PPM1E: variants seen among roughly 807,000 people sequenced by gnomAD.
The protein encoded by PPM1E is protein phosphatase, Mg2+/Mn2+ dependent 1E.
PPM1E carries 20 observed loss-of-function variants against 65.9 expected under a neutral mutation model. That is an observed-to-expected ratio of 0.30 (90% CI 0.21 to 0.44). The LOEUF (loss-of-function observed/expected upper bound fraction) is 0.44. Ranked by LOEUF, PPM1E falls within the 20% of genes least tolerant of loss-of-function variation. The probability of loss-of-function intolerance (pLI) is 1.00; values close to 1 mark genes in which losing one functional copy is unlikely to be tolerated. For missense variants in PPM1E, 713 were observed against 953.1 expected (o/e 0.75, Z 3.32); for synonymous variants, 352 against 374.9 (o/e 0.94, Z 0.70).
At chr17:58,761,746 C>T (rs913272851) in intron 1 of PPM1E, among the ~76,000 whole-genome samples, 6 of 152,188 alleles carry the variant, frequency 3.9e-5, no homozygotes, top group South Asian at 2.1e-4. Context: ...GTCCCTTCTA[C>T]GTTCCTTTCC....
At chr17:58,932,698 A>T (rs986857477) in intron 1 of PPM1E, among the ~76,000 whole-genome samples, 1 of 152,212 alleles carries the variant, frequency 6.6e-6, no homozygotes, top group Non-Finnish European at 1.5e-5. Context: ...CATATGAAAA[A>T]TATTATTATT....
chr17:58,835,686 T>C (rs2050648878), intron 1 of PPM1E, among the ~76,000 whole-genome samples: 1 of 151,674 alleles, frequency 6.6e-6, no homozygotes, highest in Admixed American at 6.6e-5. Context: ...GGCAATATAG[T>C]GAGACCTCTA....
At chr17:58,916,575 A>G (rs1444069586) in intron 1 of PPM1E, among the ~76,000 whole-genome samples, 3 of 152,126 alleles carry the variant, frequency 2.0e-5, no homozygotes, top group Non-Finnish European at 4.4e-5. Context: ...GCAGTGAGCC[A>G]TGATCACATC....
intron 1 of PPM1E, among the ~76,000 whole-genome samples, chr17:58,757,969 AATTTTTTACAGT>A (rs2049784995): frequency 6.6e-6 from 1 of 152,134 alleles, no homozygotes; most frequent in Admixed American, 6.6e-5. Flanking sequence ...TCTGAGATGT[AATTTTTTACAGT>A]ATTTAAAGAT....
chr17:58,862,723 C>A (rs2050955334), intron 1 of PPM1E, among the ~76,000 whole-genome samples: 1 of 152,098 alleles, frequency 6.6e-6, no homozygotes, highest in African/African-American at 2.4e-5. Context: ...GGAAGGCCTC[C>A]AATAATACTG....
At chr17:58,962,290 A>G (rs542581122) in intron 2 of PPM1E, among the ~76,000 whole-genome samples, 1 of 152,226 alleles carries the variant, frequency 6.6e-6, no homozygotes, top group East Asian at 1.9e-4. Flanking sequence ...ATCTCAAAAA[A>G]AAAAAAAAAG....
chr17:58,802,609 A>G (rs1211083166), intron 1 of PPM1E, among the ~76,000 whole-genome samples: 1 of 152,168 alleles, frequency 6.6e-6, no homozygotes, highest in East Asian at 1.9e-4. Flanking sequence ...GATTGCATTG[A>G]ATCTGTAGAT....
chr17:58,816,765 TATATATATATATA>T (rs2050422237), intron 1 of PPM1E, among the ~76,000 whole-genome samples: 1 of 13,522 alleles, frequency 7.4e-5, no homozygotes, highest in African/African-American at 2.9e-4. Flanking sequence ...TATATATATA[TATATATATATATA>T]TATATATATA....
chr17:58,911,687 T>G (rs2051628878), intron 1 of PPM1E, among the ~76,000 whole-genome samples: 3 of 152,226 alleles, frequency 2.0e-5, no homozygotes, highest in Non-Finnish European at 4.4e-5. Flanking sequence ...CATTCATTCA[T>G]TCAACAAATA....
rs980464438 is a variant in PPM1E, at chr17:58,755,888, G to A, written c.-110G>A. Reference sequence around the variant, plus strand: ...CAACCTAGTGCTGATCGCTCGTGCCGGTGCGGCCGTTAACCGCCCTTGCCG... The same window carrying A: ...CAACCTAGTGCTGATCGCTCGTGCCAGTGCGGCCGTTAACCGCCCTTGCCG... On this transcript the variant is annotated 5_prime_UTR_variant, in exon 1 of 7. Coordinates refer to ENST00000308249, the MANE Select transcript of PPM1E (RefSeq NM_014906.5). The A allele has an allele frequency of 2.1e-4, 325 of 1,522,272 alleles. No homozygotes were observed. The highest frequency in any genetic ancestry group is 2.7e-4 in the Non-Finnish European group (305 of 1,136,808). 94.3% of individuals were successfully genotyped at this position (1,522,272 alleles called of 1,614,324 possible).
intron 6 of PPM1E, among the ~76,000 whole-genome samples, chr17:58,977,755 T>C (rs553634806): frequency 1.3e-5 from 2 of 152,294 alleles, no homozygotes; most frequent in Non-Finnish European, 2.9e-5. Context: ...AAAGAAACTT[T>C]TTTTTGAGAC....
intron 1 of PPM1E, among the ~76,000 whole-genome samples, chr17:58,772,184 C>T (rs529680179): frequency 4.2e-4 from 63 of 151,188 alleles, no homozygotes; most frequent in African/African-American, 1.5e-3. Context: ...GCAGGCTGGG[C>T]GCGGTGGCTC....
chr17:58,864,335 A>G (rs1008331748), intron 1 of PPM1E, among the ~76,000 whole-genome samples: 3 of 152,292 alleles, frequency 2.0e-5, no homozygotes, highest in Admixed American at 6.5e-5. Context: ...CTGTTTCCTC[A>G]GTTAAGATAC....
At chr17:58,908,718 G>T (rs187068911) in intron 1 of PPM1E, among the ~76,000 whole-genome samples, 10 of 152,302 alleles carry the variant, frequency 6.6e-5, no homozygotes, top group African/African-American at 2.4e-4. Context: ...GTGATTACAG[G>T]CATGAGCCAC....
At chr17:58,858,524 T>G (rs2050907153) in intron 1 of PPM1E, among the ~76,000 whole-genome samples, 1 of 142,990 alleles carries the variant, frequency 7.0e-6, no homozygotes, top group Non-Finnish European at 1.5e-5. Flanking sequence ...TGAGATCAAT[T>G]TTTTTTTTTT....
chr17:58,950,852 C>T (rs983858210), intron 1 of PPM1E, among the ~76,000 whole-genome samples: 1 of 148,176 alleles, frequency 6.7e-6, no homozygotes, highest in Non-Finnish European at 1.5e-5. Context: ...GATCTCTGCT[C>T]ACTGCAAGCT....
intron 1 of PPM1E, among the ~76,000 whole-genome samples, chr17:58,886,165 T>C (rs2051263619): frequency 6.6e-6 from 1 of 152,240 alleles, no homozygotes; most frequent in Admixed American, 6.5e-5. Flanking sequence ...TTGATTGTCC[T>C]TGAGGATTTA....
At chr17:58,868,769 G>C (rs1449256130) in intron 1 of PPM1E, among the ~76,000 whole-genome samples, 1 of 151,780 alleles carries the variant, frequency 6.6e-6, no homozygotes, top group East Asian at 1.9e-4. Flanking sequence ...ATAGGGTATG[G>C]GTACGTTCAG....
chr17:58,950,383 C>T (rs1304074495), intron 1 of PPM1E, among the ~76,000 whole-genome samples: 2 of 152,230 alleles, frequency 1.3e-5, no homozygotes, highest in Admixed American at 1.3e-4. Context: ...TATTTTTTGA[C>T]TATAATGTGC....
Sources: gnomAD v4.1 joint callset for allele counts (sites outside exome capture counted in the v4.1 genomes callset) on GRCh38, gnomAD v4.1.1 for gene constraint, MANE v1.5 for transcripts, NCBI Gene and HGNC (gene_info 2026-07-23, HGNC 2026-07-21) for gene names.